CIMAP3: variants seen among roughly 807,000 people sequenced by gnomAD.
The protein encoded by CIMAP3 is ciliary microtubule associated protein 3.
At chr1:111,341,136 T>G in the CIMAP3 span, among the ~76,000 whole-genome samples, 1 of 146,946 alleles carries the variant, frequency 6.8e-6, no homozygotes, top group African/African-American at 2.5e-5. Context: ...ATATTCTCAC[T>G]CATAGGTGGG....
the CIMAP3 span, chr1:111,347,618 CTTTCTTTTTT>C: frequency 1.1e-4 from 105 of 929,728 alleles, 1 homozygote; most frequent in South Asian, 1.1e-3. Context: ...GTTGTTTTTT[CTTTCTTTTTT>C]TTTTTTTTTG....
the CIMAP3 span, chr1:111,346,472 TG>T: frequency 1.2e-6 from 1 of 807,914 alleles, no homozygotes; most frequent in Non-Finnish European, 1.9e-6. Flanking sequence ...TACAATCCCC[TG>T]GGCTTTGGGC....
chr1:111,339,939 T>C, the CIMAP3 span, among the ~76,000 whole-genome samples: 2 of 151,714 alleles, frequency 1.3e-5, no homozygotes, highest in African/African-American at 4.9e-5. Context: ...GGCATCACAG[T>C]ACCTGACTTC....
At chr1:111,325,773 A>G in the CIMAP3 span, among the ~76,000 whole-genome samples, 1 of 152,226 alleles carries the variant, frequency 6.6e-6, no homozygotes, top group South Asian at 2.1e-4. Context: ...CATATGTTGT[A>G]TAATGAATTA....
At chr1:111,339,664 C>T in the CIMAP3 span, among the ~76,000 whole-genome samples, 1 of 151,808 alleles carries the variant, frequency 6.6e-6, no homozygotes, top group African/African-American at 2.4e-5. Context: ...TGAAGGACCT[C>T]TTCAAGGAGA....
the CIMAP3 span, among the ~76,000 whole-genome samples, chr1:111,326,558 A>G: frequency 2.0e-5 from 3 of 152,092 alleles, no homozygotes; most frequent in Non-Finnish European, 2.9e-5. Flanking sequence ...TTTGTTTTAT[A>G]TCTTTACAAT....
At chr1:111,348,318 C>G in the CIMAP3 span, 2 of 462,958 alleles carry the variant, frequency 4.3e-6, no homozygotes, top group South Asian at 7.0e-5. Flanking sequence ...CTATATATTA[C>G]GTATCACTAG....
chr1:111,351,194 T>G, the CIMAP3 span: 3 of 710,238 alleles, frequency 4.2e-6, no homozygotes, highest in Non-Finnish European at 7.1e-6. Context: ...TTTGCATAAC[T>G]GGGAAGACCA....
chr1:111,334,770 C>CT, the CIMAP3 span, among the ~76,000 whole-genome samples: 2 of 151,810 alleles, frequency 1.3e-5, no homozygotes, highest in Non-Finnish European at 2.9e-5. Flanking sequence ...TCATTAGAGG[C>CT]TCTCAACGGC....
the CIMAP3 span, among the ~76,000 whole-genome samples, chr1:111,334,293 T>C: frequency 7.9e-3 from 1,203 of 152,014 alleles, 16 homozygotes; most frequent in African/African-American, 0.027. Flanking sequence ...AGAAAAGTGG[T>C]GACAGTTTAG....
the CIMAP3 span, among the ~76,000 whole-genome samples, chr1:111,332,322 T>G: frequency 6.6e-6 from 1 of 152,204 alleles, no homozygotes; most frequent in Non-Finnish European, 1.5e-5. Context: ...ACTGCTTCAT[T>G]GCCCTAAGGC....
chr1:111,350,247 G>A, the CIMAP3 span: 1 of 1,543,052 alleles, frequency 6.5e-7, no homozygotes, highest in East Asian at 2.2e-5. Flanking sequence ...AACTTCTGTA[G>A]AAGACTCTTA....
chr1:111,346,333 T>C, the CIMAP3 span: 1 of 270,602 alleles, frequency 3.7e-6, no homozygotes, highest in Non-Finnish European at 7.1e-6. Context: ...TGAACCTCAC[T>C]GTCCTTCCCT....
chr1:111,341,137 C>G, the CIMAP3 span, among the ~76,000 whole-genome samples: 1 of 146,264 alleles, frequency 6.8e-6, no homozygotes, highest in South Asian at 2.1e-4. Context: ...TATTCTCACT[C>G]ATAGGTGGGA....
At chr1:111,332,997 C>A in the CIMAP3 span, among the ~76,000 whole-genome samples, 1 of 152,196 alleles carries the variant, frequency 6.6e-6, no homozygotes, top group Admixed American at 6.5e-5. Flanking sequence ...CTGGACAGGA[C>A]AAGGGCCTGT....
At chr1:111,351,166 G>GTTTTT in the CIMAP3 span, 1,094 of 576,176 alleles carry the variant, frequency 1.9e-3, 7 homozygotes, top group South Asian at 4.9e-3. Flanking sequence ...ATAATGTACA[G>GTTTTT]TTTTTTTTTT....
chr1:111,340,042 A>C, the CIMAP3 span, among the ~76,000 whole-genome samples: 1 of 151,980 alleles, frequency 6.6e-6, no homozygotes, highest in Admixed American at 6.6e-5. Context: ...AGCCCTCAGG[A>C]ATAACGTCGC....
At chr1:111,329,624 G>A in the CIMAP3 span, among the ~76,000 whole-genome samples, 17 of 146,016 alleles carry the variant, frequency 1.2e-4, no homozygotes, top group African/African-American at 4.0e-4. Flanking sequence ...GCACAATCTC[G>A]GTTCACTGCA....
At chr1:111,330,552 C>G in the CIMAP3 span, among the ~76,000 whole-genome samples, 145 of 152,280 alleles carry the variant, frequency 9.5e-4, no homozygotes, top group African/African-American at 3.4e-3. Flanking sequence ...ATGCAGCTTC[C>G]TATGTTTCTG....
Sources: gnomAD v4.1 joint callset for allele counts (sites outside exome capture counted in the v4.1 genomes callset) on GRCh38, gnomAD v4.1.1 for gene constraint, MANE v1.5 for transcripts, NCBI Gene and HGNC (gene_info 2026-07-23, HGNC 2026-07-21) for gene names.